TNFSF4: variants seen among roughly 807,000 people sequenced by gnomAD.
TNFSF4 encodes the protein tumor necrosis factor ligand superfamily member 4.
In TNFSF4, 4 loss-of-function variants were observed where a neutral mutation model predicts 7.3. That is an observed-to-expected ratio of 0.55 (90% CI 0.27 to 1.25). The LOEUF (loss-of-function observed/expected upper bound fraction) is 1.25. Ranked by LOEUF, TNFSF4 falls within the 50% of genes most tolerant of loss-of-function variation. The pLI is 0.12. For synonymous variants in TNFSF4, 76 were observed against 83.7 expected, an observed-to-expected ratio of 0.91 and a Z score of 0.50; for missense variants, 181 against 208.8, an observed-to-expected ratio of 0.87 and a Z score of 0.82.
At chr1:173,234,695 C>T in the TNFSF4 span, among the ~76,000 whole-genome samples, 2 of 152,074 alleles carry the variant, frequency 1.3e-5, no homozygotes, top group East Asian at 3.9e-4. Context: ...ATCGCAAGGA[C>T]AGAAAACCAA....
At chr1:173,318,493 G>A in the TNFSF4 span, among the ~76,000 whole-genome samples, 1 of 152,074 alleles carries the variant, frequency 6.6e-6, no homozygotes, top group Admixed American at 6.5e-5. Context: ...TAAGGTCAAG[G>A]GAATGGGGGA....
At chr1:173,216,947 C>T in the TNFSF4 span, among the ~76,000 whole-genome samples, 1 of 152,182 alleles carries the variant, frequency 6.6e-6, no homozygotes, top group African/African-American at 2.4e-5. Flanking sequence ...GAGATCTCAA[C>T]TTTCTGCTTC....
At chr1:173,384,113 A>C in the TNFSF4 span, among the ~76,000 whole-genome samples, 1 of 152,230 alleles carries the variant, frequency 6.6e-6, no homozygotes, top group African/African-American at 2.4e-5. Context: ...ACTGGTTTTC[A>C]GTACATTCAT....
the TNFSF4 span, among the ~76,000 whole-genome samples, chr1:173,354,800 G>GT: frequency 6.6e-6 from 1 of 152,078 alleles, no homozygotes; most frequent in Non-Finnish European, 1.5e-5. Context: ...ACAAAATTAC[G>GT]TTTGAAGACC....
the TNFSF4 span, among the ~76,000 whole-genome samples, chr1:173,264,873 T>C: frequency 1.3e-5 from 2 of 152,188 alleles, no homozygotes; most frequent in Non-Finnish European, 2.9e-5. Flanking sequence ...TCAGTGACAT[T>C]AGTTGGAGAA....
chr1:173,210,547 G>A (rs931361232), upstream of TNFSF4, among the ~76,000 whole-genome samples: 15 of 152,166 alleles, frequency 9.9e-5, no homozygotes, highest in African/African-American at 2.7e-4. Context: ...AGAATCTGTC[G>A]TAAATGGACT....
chr1:173,395,037 T>TAGATA, the TNFSF4 span, among the ~76,000 whole-genome samples: 985 of 94,020 alleles, frequency 0.01, 4 homozygotes, highest in Middle Eastern at 0.019. Flanking sequence ...GATAGATAGA[T>TAGATA]GATAGATAGA....
chr1:173,395,374 T>TGTA, the TNFSF4 span, among the ~76,000 whole-genome samples: 1 of 61,492 alleles, frequency 1.6e-5, no homozygotes, highest in Non-Finnish European at 3.0e-5. Context: ...TGACTGTGTA[T>TGTA]ATAATATATA....
At chr1:173,253,613 A>C in the TNFSF4 span, among the ~76,000 whole-genome samples, 1 of 152,188 alleles carries the variant, frequency 6.6e-6, no homozygotes, top group Non-Finnish European at 1.5e-5. Flanking sequence ...GAGAGAACTG[A>C]GCTATGGGTT....
At chr1:173,210,680 C>G (rs1202519844), upstream of TNFSF4, among the ~76,000 whole-genome samples, 3 of 152,070 alleles carry the variant, frequency 2.0e-5, no homozygotes, top group Non-Finnish European at 4.4e-5. Flanking sequence ...AAAAATCACT[C>G]TGACTGAGGG....
the TNFSF4 span, among the ~76,000 whole-genome samples, chr1:173,428,181 G>A: frequency 6.6e-6 from 1 of 151,956 alleles, no homozygotes; most frequent in Non-Finnish European, 1.5e-5. Flanking sequence ...CTGGCCTCAA[G>A]TGATCCACCC....
At chr1:173,351,154 C>T in the TNFSF4 span, among the ~76,000 whole-genome samples, 1 of 152,238 alleles carries the variant, frequency 6.6e-6, no homozygotes, top group Non-Finnish European at 1.5e-5. Flanking sequence ...TATCTCTCTC[C>T]TCACATCCTG....
At chr1:173,258,182 G>C in the TNFSF4 span, among the ~76,000 whole-genome samples, 1 of 152,028 alleles carries the variant, frequency 6.6e-6, no homozygotes, top group African/African-American at 2.4e-5. Flanking sequence ...AAGCAGGATT[G>C]GGGAGGGGCT....
the TNFSF4 span, among the ~76,000 whole-genome samples, chr1:173,238,624 CAT>C: frequency 2.6e-5 from 4 of 151,744 alleles, no homozygotes. Context: ...CAAAAGAAGA[CAT>C]ACATGCGGCC....
the TNFSF4 span, among the ~76,000 whole-genome samples, chr1:173,327,672 C>A: frequency 1.3e-5 from 2 of 152,014 alleles, no homozygotes; most frequent in African/African-American, 2.4e-5. Flanking sequence ...AAACAAACAA[C>A]CCCATCAAAA....
the TNFSF4 span, among the ~76,000 whole-genome samples, chr1:173,274,183 T>C: frequency 1.1e-3 from 169 of 151,976 alleles, no homozygotes; most frequent in Middle Eastern, 6.8e-3. Context: ...TTCTGTATTT[T>C]TCTTTTCAAA....
the TNFSF4 span, among the ~76,000 whole-genome samples, chr1:173,369,222 C>A: frequency 5.3e-5 from 8 of 152,284 alleles, no homozygotes; most frequent in Non-Finnish European, 1.2e-4. Flanking sequence ...TATGGCCCTC[C>A]ACTCCATTTT....
the TNFSF4 span, among the ~76,000 whole-genome samples, chr1:173,386,975 G>A: frequency 1.1e-4 from 17 of 152,188 alleles, no homozygotes; most frequent in Admixed American, 9.8e-4. Context: ...TAACTTGATT[G>A]ATTTCGCAGG....
the TNFSF4 span, among the ~76,000 whole-genome samples, chr1:173,331,577 G>A: frequency 6.6e-6 from 1 of 152,208 alleles, no homozygotes; most frequent in African/African-American, 2.4e-5. Flanking sequence ...GTGATTAATG[G>A]TGTCCCTTCA....
Sources: gnomAD v4.1 joint callset for allele counts (sites outside exome capture counted in the v4.1 genomes callset) on GRCh38, gnomAD v4.1.1 for gene constraint, MANE v1.5 for transcripts, NCBI Gene and HGNC (gene_info 2026-07-23, HGNC 2026-07-21) for gene names.